The following ZNF266 variants were observed in gnomAD, a reference collection of about 807,000 sequenced individuals.
The protein encoded by ZNF266 is zinc finger protein 1.
Under a neutral mutation model 16.4 loss-of-function variants are expected in ZNF266, and 16 were observed. That is an observed-to-expected ratio of 0.98 (90% CI 0.66 to 1.48). The LOEUF is 1.48. Ranked by LOEUF, ZNF266 falls within the 40% of genes most tolerant of loss-of-function variation. ZNF266 has a pLI of 0.00. For synonymous variants in ZNF266, 262 were observed against 237.9 expected, an observed-to-expected ratio of 1.10 and a Z score of -0.93; for missense variants, 738 against 689.1, an observed-to-expected ratio of 1.07 and a Z score of -0.79.
intron 9 of ZNF266, among the ~76,000 whole-genome samples, chr19:9,417,308 G>A (rs960128673): frequency 6.6e-6 from 1 of 152,088 alleles, no homozygotes; most frequent in Non-Finnish European, 1.5e-5. Context: ...GGAGGCTGAA[G>A]TTGCAGTAAG....
Position 9,414,041 on chromosome 19 carries a change from G to A in ZNF266, c.1085C>T (p.Pro362Leu), listed in dbSNP as rs2068616731. 2 of 1,614,008 alleles carry A rather than the reference G, an allele frequency of 1.2e-6. No individual in the cohort carries two copies. The highest frequency in any genetic ancestry group is 1.3e-5 in the African/African-American group (1 of 75,000). ...TATCCCACATTCCTTGCATTCATAA[G>A]GCTTCTCACCCACATGGATTTTCAT... ...QHMKIHVGEKPYECKECGIAF... is the reference protein window; with the variant it reads ...QHMKIHVGEKLYECKECGIAF... Residue 362 changes from proline (P) to leucine (L), a missense_variant, in exon 11 of 11, where the codon CCT becomes CTT. Pro to Leu is a moderately conservative substitution (Grantham distance 98). Transcript: ENST00000592904.
Position 9,413,948 on chromosome 19 carries a change from C to A in ZNF266, c.1178G>T (p.Cys393Phe). 6.2e-7 allele frequency: 1 copy of A among 1,614,150 alleles called. No individual in the cohort carries two copies. Among genetic ancestry groups the A allele is most frequent in the Non-Finnish European group, 8.5e-7 (1 of 1,180,030 alleles). ...KTHTAKDPFECKICGKSFRNS... is the reference protein window; with the variant it reads ...KTHTAKDPFEFKICGKSFRNS... ...TCTAAAGGATTTTCCACATATCTTA[C>A]ATTCAAAGGGATCCTTTGCAGTGTG... The change falls in exon 11 of 11, where the codon TGT (cysteine) becomes TTT (phenylalanine). Residue 393 changes from cysteine (C) to phenylalanine (F), a missense_variant. Transcript: ENST00000592904.
intron 5 of ZNF266, among the ~76,000 whole-genome samples, chr19:9,428,410 C>A (rs2071089134): frequency 6.6e-6 from 1 of 152,202 alleles, no homozygotes; most frequent in African/African-American, 2.4e-5. Context: ...CTCCTCCCTC[C>A]CACAGGTCCC....
intron 8 of ZNF266, 112 bp from the exon 9 acceptor site, chr19:9,418,020 G>T: frequency 9.1e-7 from 1 of 1,101,598 alleles, no homozygotes; most frequent in South Asian, 1.3e-5. Flanking sequence ...ATTTTAAAAG[G>T]GCTAAAAATG....
rs766199515 is a variant in ZNF266, at chr19:9,415,760, T to G, written c.317-18A>C. 3.7e-6 allele frequency: 6 copies of G among 1,603,276 alleles called. No homozygotes were observed. The highest frequency in any genetic ancestry group is 5.1e-6 in the Non-Finnish European group (6 of 1,171,170). ...TTCTGAAGCTGAAGAGAAAAAGAAA[T>G]GTAAGGGTTTGGAGACATACAGGGT... On this transcript the variant is annotated intron_variant, in intron 9 of 10. Coordinates refer to ENST00000592904, the MANE Select transcript of ZNF266 (RefSeq NM_001370374.1).
chr19:9,414,602 C>G lies in ZNF266; in HGVS notation c.524G>C (p.Cys175Ser). The change falls in exon 11 of 11, where the codon TGT (cysteine) becomes TCT (serine). Residue 175 changes from cysteine (C) to serine (S), a missense_variant. By Grantham distance (112) the Cys-to-Ser change is moderately radical (BLOSUM62 -1). Coordinates refer to ENST00000592904, the MANE Select transcript of ZNF266 (RefSeq NM_001370374.1). The stretch of plus-strand genomic sequence containing the variant: ...AAGGAAGTCTACTCCATACAGATAA[C>G]ACTCAAATGTGTTCTCACTATTTTG... ...RTQNSENTFE[C>S]YLYGVDFLTL... 1 of 1,612,728 alleles carries G rather than the reference C, an allele frequency of 6.2e-7. No homozygotes were observed. Among genetic ancestry groups the G allele is most frequent in the Non-Finnish European group, 8.5e-7 (1 of 1,178,764 alleles).
In ZNF266 at chr19:9,415,680, C is replaced by T. The variant is rs1274870629; in HGVS notation, c.379G>A (p.Glu127Lys). ...ELALQQDVLG[E>K]PTSSGIQMIG... The stretch of plus-strand genomic sequence containing the variant: ...ATTTGAATCCCACTGGAGGTTGGCT[C>T]CCCCAAAACATCCTGCTGAAGGGCT... The change falls in exon 10 of 11, where the codon GAG (glutamate) becomes AAG (lysine). Residue 127 changes from glutamate to lysine, a missense_variant. Coordinates refer to ENST00000592904, the MANE Select transcript of ZNF266 (RefSeq NM_001370374.1). 6.2e-7 allele frequency: 1 copy of T among 1,612,838 alleles called. No individual in the cohort carries two copies. The highest frequency in any genetic ancestry group is 8.5e-7 in the Non-Finnish European group (1 of 1,179,124).
rs1283835339 is a variant in ZNF266 at position 9,413,002 on chromosome 19, GT to G, written c.*272del. On this transcript the variant is annotated 3_prime_UTR_variant, in exon 11 of 11. Coordinates refer to ENST00000592904, the MANE Select transcript of ZNF266 (RefSeq NM_001370374.1). ...TGTGAGTTCACATACACACATTAAG[GT>G]TTGTGGGATTCAGAAAGGTATTCCC... The G allele has an allele frequency of 6.4e-6, 3 of 467,590 alleles. No individual in the cohort carries two copies. Among genetic ancestry groups the G allele is most frequent in the Non-Finnish European group, 1.1e-5 (3 of 264,478 alleles). 29.0% of individuals were successfully genotyped at this position (467,590 alleles called of 1,614,324 possible).
At chr19:9,425,788 G>A (rs1027337023) in intron 5 of ZNF266, among the ~76,000 whole-genome samples, 1 of 152,174 alleles carries the variant, frequency 6.6e-6, no homozygotes, top group Non-Finnish European at 1.5e-5. Context: ...GGCAAGAGGG[G>A]CACGACAGTC....
chr19:9,426,394 T>C (rs946949506), intron 5 of ZNF266, among the ~76,000 whole-genome samples: 3 of 152,124 alleles, frequency 2.0e-5, no homozygotes, highest in Non-Finnish European at 4.4e-5. Context: ...CAGTCCTCTG[T>C]TGCCTAGAAG....
intron 5 of ZNF266, among the ~76,000 whole-genome samples, chr19:9,432,452 A>G (rs892548838): frequency 6.6e-6 from 1 of 152,208 alleles, no homozygotes; most frequent in African/African-American, 2.4e-5. Flanking sequence ...CGGCTAGTTC[A>G]CTGGAACCCC....
At position 9,435,288 on chromosome 19, in the gene ZNF266, G is replaced by T. The variant is rs990706235; in HGVS notation, c.-562C>A. The T allele has an allele frequency of 6.6e-6, 1 of 152,208 alleles. No individual in the cohort carries two copies. Among genetic ancestry groups the T allele is most frequent in the African/African-American group, 2.4e-5 (1 of 41,452 alleles). The allele number at this position is 152,208 out of a possible 1,614,324, so 9.4% of individuals were successfully genotyped here. On this transcript the variant is annotated 5_prime_UTR_variant, in exon 1 of 11. It adds an upstream start codon to the 5' untranslated region. Coordinates refer to ENST00000592904, the MANE Select transcript of ZNF266 (RefSeq NM_001370374.1). ...ATCGTGAGGAAGCGCCCTTACGACA[G>T]ATCCCGAAACGGCTCCTGGCCCAGG...
intron 5 of ZNF266, 74 bp from the exon 6 acceptor site, chr19:9,420,292 G>A (rs376307375): frequency 6.6e-6 from 1 of 152,198 alleles, no homozygotes; most frequent in Non-Finnish European, 1.5e-5. Flanking sequence ...TCTCTGCAGA[G>A]CATATAGAGG....
At position 9,414,843 on chromosome 19, in the gene ZNF266, A is replaced by T. The variant is rs143255905; in HGVS notation, c.406-123T>A. 1.2e-4 allele frequency: 135 copies of T among 1,121,676 alleles called. No homozygotes were observed. In the African/African-American group the frequency reaches 1.9e-3, roughly 16 times the overall value. The allele number at this position is 1,121,676 out of a possible 1,614,324, so 69.5% of individuals were successfully genotyped here. A position where few individuals can be genotyped will look rare whatever the true frequency, so the allele number is the denominator to read the frequency against. On this transcript the variant is annotated intron_variant, in intron 10 of 10. Transcript: ENST00000592904. ...TGTTTACCATTTTCATTACACACAT[A>T]TAAGTAATGCCCTTTTGATTTCTTT...
chr19:9,418,266 G>C (rs779731586), intron 8 of ZNF266, among the ~76,000 whole-genome samples: 2 of 152,198 alleles, frequency 1.3e-5, no homozygotes, highest in Non-Finnish European at 2.9e-5. Context: ...CCCTGTTGCA[G>C]TTTCTCACTG....
rs1444513175 is a variant in ZNF266, at chr19:9,435,385, A to T, written c.-659T>A. 1.3e-5 allele frequency: 2 copies of T among 152,180 alleles called. No individual in the cohort carries two copies. Among genetic ancestry groups the T allele is most frequent in the African/African-American group, 4.8e-5 (2 of 41,414 alleles). The allele number at this position is 152,180 out of a possible 1,614,324, so 9.4% of individuals were successfully genotyped here. A position where few individuals can be genotyped will look rare whatever the true frequency, so the allele number is the denominator to read the frequency against. ...AGGAGGACCCGCGCGGCCCCGGCGGACGCGAGCGGAGCAGGCAAGGTCTCT... is the reference window on the plus strand; with the variant it reads ...AGGAGGACCCGCGCGGCCCCGGCGGTCGCGAGCGGAGCAGGCAAGGTCTCT... On this transcript the variant is annotated 5_prime_UTR_variant, in exon 1 of 11. Transcript: ENST00000592904.
At position 9,434,844 on chromosome 19, in the gene ZNF266, G is replaced by A. The variant is rs965687823; in HGVS notation, c.-456C>T. 2 of 152,114 alleles carry A rather than the reference G, an allele frequency of 1.3e-5. No homozygotes were observed. The highest frequency in any genetic ancestry group is 4.8e-5 in the African/African-American group (2 of 41,402). 9.4% of individuals were successfully genotyped at this position (152,114 alleles called of 1,614,324 possible). A position where few individuals can be genotyped will look rare whatever the true frequency, so the allele number is the denominator to read the frequency against. On this transcript the variant is annotated 5_prime_UTR_variant, in exon 3 of 11. Coordinates refer to ENST00000592904, the MANE Select transcript of ZNF266 (RefSeq NM_001370374.1). ...TCCTAAAAGCCCGTTTTGAAGCTCT[G>A]TGGGGAGGTACAGGCCTAGGAAGTT...
intron 5 of ZNF266, among the ~76,000 whole-genome samples, chr19:9,431,886 G>C (rs1458402383): frequency 6.6e-6 from 1 of 152,164 alleles, no homozygotes; most frequent in African/African-American, 2.4e-5. Context: ...CCTTTGACCA[G>C]TTTCTAACAG....
intron 5 of ZNF266, among the ~76,000 whole-genome samples, chr19:9,433,011 A>G (rs1175558673): frequency 6.6e-6 from 1 of 152,222 alleles, no homozygotes; most frequent in Non-Finnish European, 1.5e-5. Flanking sequence ...GAAAATGGCC[A>G]GAGCCCATCC....
Sources: allele counts gnomAD v4.1 joint callset (sites outside exome capture counted in the v4.1 genomes callset), GRCh38; gene constraint gnomAD v4.1.1; transcripts MANE v1.5; gene names NCBI Gene and HGNC (gene_info 2026-07-23, HGNC 2026-07-21).